STK10: variants seen among roughly 807,000 people sequenced by gnomAD.
STK10 encodes serine/threonine kinase 10.
In STK10, 78 loss-of-function variants were observed where a neutral mutation model predicts 113.8. That is an observed-to-expected ratio of 0.69 (90% confidence interval 0.57 to 0.83). The LOEUF is 0.83. Ranked by LOEUF, STK10 falls within the 40% of genes least tolerant of loss-of-function variation. The pLI is 0.00. For synonymous variants in STK10, 465 were observed against 494.7 expected (o/e 0.94, Z 0.80); for missense variants, 1,109 against 1,280.1 (o/e 0.87, Z 2.04).
intron 15 of STK10, chr5:172,056,985 A>AAG (rs1273318600): frequency 0.012 from 1,141 of 95,982 alleles, 9 homozygotes; most frequent in African/African-American, 0.022. Flanking sequence ...GAAAGAAAGA[A>AAG]AGAAAGAAAG....
At chr5:172,076,129 C>CTTTGTTGTGGGGGCTGTCCTGTGCA (rs1478913380) in intron 12 of STK10, among the ~76,000 whole-genome samples, 2 of 148,502 alleles carry the variant, frequency 1.3e-5, no homozygotes, top group Non-Finnish European at 3.0e-5. Context: ...GTGGAGAGTT[C>CTTTGTTGTGGGGGCTGTCCTGTGCA]TTTGTTGTGG....
intron 7 of STK10, among the ~76,000 whole-genome samples, chr5:172,098,640 C>T (rs916696363): frequency 2.3e-4 from 35 of 152,126 alleles, no homozygotes; most frequent in Non-Finnish European, 4.6e-4. Context: ...TTTAAGAGGT[C>T]TTGAGTGGGG....
chr5:172,179,212 A>G (rs1326764567), intron 1 of STK10, among the ~76,000 whole-genome samples: 1 of 152,138 alleles, frequency 6.6e-6, no homozygotes, highest in Non-Finnish European at 1.5e-5. Context: ...AACTCCTCTC[A>G]GCCCTGTGGC....
At chr5:172,153,284 CTCA>C (rs202098663) in intron 2 of STK10, among the ~76,000 whole-genome samples, 1 of 107,196 alleles carries the variant, frequency 9.3e-6, no homozygotes, top group African/African-American at 4.4e-5. Context: ...AAAACTCCAT[CTCA>C]AAAAGAAAGA....
chr5:172,052,801 G>C, intron 18 of STK10, 128 bp downstream of exon 18: 1 of 836,860 alleles, frequency 1.2e-6, no homozygotes, highest in Middle Eastern at 3.6e-4. Flanking sequence ...TCAGGCTGGA[G>C]ATCCATTTGA....
At chr5:172,125,856 T>C (rs1769607836) in intron 3 of STK10, among the ~76,000 whole-genome samples, 1 of 152,162 alleles carries the variant, frequency 6.6e-6, no homozygotes, top group Non-Finnish European at 1.5e-5. Flanking sequence ...TATCAAGAAT[T>C]TTAAAAAAAA....
At chr5:172,121,710 C>CTAAATAAATAAATAAA (rs548605209) in intron 3 of STK10, among the ~76,000 whole-genome samples, 4 of 151,722 alleles carry the variant, frequency 2.6e-5, no homozygotes, top group African/African-American at 9.7e-5. Flanking sequence ...AACTCTGTCT[C>CTAAATAAATAAATAAA]TAAATAAATA....
rs1033934714 is a variant in STK10, at chr5:172,106,897, C to G, written c.594-83G>C. ...GGACATTCAGGGTCAAGGGCCACCA[C>G]GAGCCACTGTCGGGGTTGGCAGCAC... On this transcript the variant is annotated intron_variant, in intron 5 of 18. Transcript: ENST00000176763. 397 of 1,377,448 alleles carry G rather than the reference C, an allele frequency of 2.9e-4. 1 individual carries two copies. Among genetic ancestry groups the G allele is most frequent in the Admixed American group, 2.1e-3 (83 of 39,916 alleles). 85.3% of individuals were successfully genotyped at this position (1,377,448 alleles called of 1,614,324 possible).
intron 1 of STK10, among the ~76,000 whole-genome samples, chr5:172,176,612 GAC>G (rs1770763375): frequency 1.3e-5 from 2 of 152,314 alleles, no homozygotes; most frequent in Admixed American, 1.3e-4. Context: ...CCCATCAAAA[GAC>G]AGTCCTTCTC....
At chr5:172,154,534 G>A (rs1282199114) in intron 2 of STK10, among the ~76,000 whole-genome samples, 2 of 152,126 alleles carry the variant, frequency 1.3e-5, no homozygotes, top group South Asian at 2.1e-4. Flanking sequence ...GTGTCTAAAA[G>A]GCAAATCGGA....
At chr5:172,184,467 G>C (rs181854086) in intron 1 of STK10, among the ~76,000 whole-genome samples, 11 of 152,164 alleles carry the variant, frequency 7.2e-5, no homozygotes, top group Admixed American at 6.6e-4. Context: ...TATGGGGTTG[G>C]CTTAGGTCAG....
chr5:172,061,017 T>C (rs1767920315), intron 14 of STK10, 122 bp downstream of exon 14: 3 of 1,403,142 alleles, frequency 2.1e-6, no homozygotes, highest in South Asian at 3.1e-5. Flanking sequence ...CCATGAAGAA[T>C]GATGTTTAGT....
intron 18 of STK10, among the ~76,000 whole-genome samples, chr5:172,047,176 T>C (rs1333096357): frequency 2.6e-5 from 4 of 152,216 alleles, no homozygotes; most frequent in Non-Finnish European, 5.9e-5. Flanking sequence ...CTCCGGGTCA[T>C]TGTTCCAGCA....
chr5:172,102,671 A>G (rs1769016786), intron 7 of STK10, among the ~76,000 whole-genome samples: 1 of 152,166 alleles, frequency 6.6e-6, no homozygotes, highest in South Asian at 2.1e-4. Flanking sequence ...TGATGTGTTC[A>G]GTGAGACCAA....
intron 3 of STK10, among the ~76,000 whole-genome samples, chr5:172,117,905 C>T (rs1769422777): frequency 1.3e-5 from 2 of 150,292 alleles, no homozygotes; most frequent in African/African-American, 4.9e-5. Flanking sequence ...CCCAGCTACT[C>T]AGGAGGTTGA....
intron 1 of STK10, among the ~76,000 whole-genome samples, chr5:172,181,453 A>G (rs965100587): frequency 2.0e-5 from 3 of 151,906 alleles, no homozygotes; most frequent in African/African-American, 4.8e-5. Flanking sequence ...CGCCTAGCAC[A>G]GTGCCTGGCA....
At chr5:172,061,334 A>C (rs1483608826) in intron 13 of STK10, 66 bp from the exon 14 acceptor site, 2 of 1,518,862 alleles carry the variant, frequency 1.3e-6, no homozygotes, top group East Asian at 2.4e-5. Context: ...GTCTCTTCCT[A>C]TTATGGGAGA....
At position 172,093,907 on chromosome 5, in the gene STK10, A is replaced by G. The variant is rs762673803; in HGVS notation, c.1059T>C (p.Asn353=). 6.5e-7 allele frequency: 1 copy of G among 1,537,256 alleles called. No individual in the cohort carries two copies. The highest frequency in any genetic ancestry group is 2.0e-5 in the Admixed American group (1 of 49,200). ...GTGACTCCTCGAGAGGCTTGTCAGC[A>G]TTGAGGCTTGGCGGACTCACCTCAG... ...NSSEVSPPSL[N]ADKPLEESPS... The change falls in exon 9 of 19, where the codon AAT becomes AAC. Residue 353 remains asparagine (N), a synonymous_variant. Coordinates refer to ENST00000176763, the MANE Select transcript of STK10 (RefSeq NM_005990.4). The surrounding 1 kb of genome is among the most constrained non-coding windows in gnomAD (Gnocchi z 4.1).
chr5:172,096,256 G>A (rs1395444958), intron 8 of STK10, among the ~76,000 whole-genome samples, 170 bp downstream of exon 8: 7 of 152,228 alleles, frequency 4.6e-5, no homozygotes, highest in Admixed American at 2.6e-4. Context: ...GCCTCACCCC[G>A]GCCCACATGC....
Sources: gnomAD v4.1 joint callset for allele counts (sites outside exome capture counted in the v4.1 genomes callset) on GRCh38, gnomAD v4.1.1 for gene constraint, Gnocchi (gnomAD v3.1) non-coding constraint, MANE v1.5 for transcripts, NCBI Gene and HGNC (gene_info 2026-07-23, HGNC 2026-07-21) for gene names.